The following LGSN variants were observed in gnomAD, a reference collection of about 807,000 sequenced individuals.
LGSN encodes lengsin.
A neutral mutation model predicts 19.5 loss-of-function variants in LGSN; 21 were observed. The ratio of observed to expected loss-of-function variants is 1.07; its 90% CI spans 0.76 to 1.55. The LOEUF (loss-of-function observed/expected upper bound fraction) is 1.55, where lower values mean the gene tolerates loss of function less well. Ranked by LOEUF, LGSN falls within the 40% of genes most tolerant of loss-of-function variation. The probability of loss-of-function intolerance (pLI) is 0.00; values close to 1 mark genes in which losing one functional copy is unlikely to be tolerated. For missense variants in LGSN, 673 were observed against 608.5 expected (o/e 1.11, Z -1.12); for synonymous variants, 257 against 215.6 (o/e 1.19, Z -1.68).
At chr6:63,555,467 A>G in the LGSN span, among the ~76,000 whole-genome samples, 1 of 152,188 alleles carries the variant, frequency 6.6e-6, no homozygotes, top group African/African-American at 2.4e-5. Context: ...ATTTGTATAA[A>G]TGGCAGGAGG....
the LGSN span, among the ~76,000 whole-genome samples, chr6:63,436,093 C>A: frequency 6.6e-6 from 1 of 152,082 alleles, no homozygotes; most frequent in Non-Finnish European, 1.5e-5. Flanking sequence ...GTTCAAATGT[C>A]ATATTCCCTG....
intron 1 of LGSN, among the ~76,000 whole-genome samples, chr6:63,312,780 A>C (rs1768682618): frequency 6.6e-6 from 1 of 152,210 alleles, no homozygotes; most frequent in African/African-American, 2.4e-5. Context: ...AGCGGGCGAA[A>C]TGAGCATAGT....
chr6:63,459,614 A>G, the LGSN span, among the ~76,000 whole-genome samples: 10 of 150,016 alleles, frequency 6.7e-5, no homozygotes, highest in Non-Finnish European at 1.3e-4. Context: ...TATATTGCCC[A>G]TGTTTTGAAG....
chr6:63,297,887 G>A (rs377198620), intron 1 of LGSN, among the ~76,000 whole-genome samples: 1 of 152,168 alleles, frequency 6.6e-6, no homozygotes, highest in Non-Finnish European at 1.5e-5. Context: ...AATCACAGGT[G>A]GCCAATTGTT....
the LGSN span, among the ~76,000 whole-genome samples, chr6:63,490,026 A>G: frequency 0.015 from 2,336 of 152,326 alleles, 67 homozygotes; most frequent in African/African-American, 0.053. Context: ...TTATTTTTAA[A>G]ATATAGAAAT....
the LGSN span, among the ~76,000 whole-genome samples, chr6:63,334,335 A>C: frequency 6.6e-6 from 1 of 152,192 alleles, no homozygotes; most frequent in Non-Finnish European, 1.5e-5. Context: ...AAATATCTGA[A>C]AAAGAAACCA....
At chr6:63,354,754 T>C in the LGSN span, among the ~76,000 whole-genome samples, 1 of 151,934 alleles carries the variant, frequency 6.6e-6, no homozygotes, top group Non-Finnish European at 1.5e-5. Context: ...CAACAGATGA[T>C]TAAAGAAAAT....
the LGSN span, among the ~76,000 whole-genome samples, chr6:63,444,708 G>T: frequency 1.3e-5 from 2 of 152,122 alleles, no homozygotes; most frequent in African/African-American, 4.8e-5. Context: ...ATCTGCTCCT[G>T]TCTGACCCCT....
the LGSN span, among the ~76,000 whole-genome samples, chr6:63,503,939 CAAT>C: frequency 9.2e-5 from 14 of 151,990 alleles, no homozygotes; most frequent in South Asian, 2.1e-4. Context: ...ACAACAACAA[CAAT>C]GACAAATATA....
At chr6:63,348,168 A>G in the LGSN span, among the ~76,000 whole-genome samples, 607 of 152,366 alleles carry the variant, frequency 4.0e-3, 3 homozygotes, top group Admixed American at 7.2e-3. Context: ...CTTGAAAACT[A>G]GCAGCCACAA....
chr6:63,490,224 T>C, the LGSN span, among the ~76,000 whole-genome samples: 1 of 152,194 alleles, frequency 6.6e-6, no homozygotes, highest in Admixed American at 6.5e-5. Context: ...TAGATGACAA[T>C]TGTATCTCTT....
At chr6:63,340,550 T>TG in the LGSN span, among the ~76,000 whole-genome samples, 1 of 151,912 alleles carries the variant, frequency 6.6e-6, no homozygotes, top group East Asian at 1.9e-4. Context: ...AGTCTATTGT[T>TG]GAAGCTCTCC....
chr6:63,473,205 G>T, the LGSN span, among the ~76,000 whole-genome samples: 1 of 151,862 alleles, frequency 6.6e-6, no homozygotes, highest in East Asian at 1.9e-4. Flanking sequence ...AGGCGCAGTG[G>T]CTCACACCTG....
At chr6:63,323,079 A>G (rs1769123470), upstream of LGSN, among the ~76,000 whole-genome samples, 1 of 152,226 alleles carries the variant, frequency 6.6e-6, no homozygotes, top group South Asian at 2.1e-4. Flanking sequence ...AAGCATTTAT[A>G]TATTTAGCAC....
At chr6:63,497,711 A>G in the LGSN span, among the ~76,000 whole-genome samples, 81,154 of 151,712 alleles carry the variant, frequency 0.53, 23,569 homozygotes, top group African/African-American at 0.77. Context: ...AAGGAGGACT[A>G]CAGAAAACTG....
At chr6:63,515,443 T>C in the LGSN span, among the ~76,000 whole-genome samples, 1 of 151,792 alleles carries the variant, frequency 6.6e-6, no homozygotes, top group South Asian at 2.1e-4. Context: ...GTTGGCCAGA[T>C]TGGTCTCAAA....
chr6:63,296,974 C>G (rs1259052346), intron 1 of LGSN, among the ~76,000 whole-genome samples: 1 of 151,792 alleles, frequency 6.6e-6, no homozygotes, highest in Non-Finnish European at 1.5e-5. Flanking sequence ...TCATATAAAC[C>G]CGATCAAAAG....
At chr6:63,412,673 GGA>G in the LGSN span, among the ~76,000 whole-genome samples, 154 of 124,484 alleles carry the variant, frequency 1.2e-3, 2 homozygotes, top group African/African-American at 4.9e-3. Flanking sequence ...AGGAAGGAAA[GGA>G]AGAAAGAAAG....
chr6:63,312,450 T>C (rs1768669010), intron 1 of LGSN, among the ~76,000 whole-genome samples: 1 of 152,240 alleles, frequency 6.6e-6, no homozygotes, highest in Admixed American at 6.5e-5. Flanking sequence ...TTGTCTTCAT[T>C]ATAATTGGTA....
Sources: allele counts gnomAD v4.1 joint callset (sites outside exome capture counted in the v4.1 genomes callset), GRCh38; gene constraint gnomAD v4.1.1; transcripts MANE v1.5; gene names NCBI Gene and HGNC (gene_info 2026-07-23, HGNC 2026-07-21).